The following SETD5 variants were observed in gnomAD, a reference collection of about 807,000 sequenced individuals.
SETD5 encodes the protein SET domain containing 5.
In SETD5, 44 loss-of-function variants were observed where a neutral mutation model predicts 153.3. The ratio of observed to expected loss-of-function variants is 0.29; its 90% CI spans 0.23 to 0.37. The LOEUF (loss-of-function observed/expected upper bound fraction) is 0.37, where lower values mean the gene tolerates loss of function less well. Among genes scored for constraint, SETD5 ranks in the 10% least tolerant of loss-of-function variants. The pLI is 1.00. For missense variants in SETD5, 1,544 were observed against 1,768.0 expected, an observed-to-expected ratio of 0.87 and a Z score of 2.27; for synonymous variants, 716 against 645.2, an observed-to-expected ratio of 1.11 and a Z score of -1.66.
intron 7 of SETD5, among the ~76,000 whole-genome samples, chr3:9,438,608 C>T (rs555897909): frequency 6.6e-6 from 1 of 152,146 alleles, no homozygotes; most frequent in East Asian, 1.9e-4. Flanking sequence ...TAGTTTAAAA[C>T]TCCTCCAGTG....
chr3:9,448,793 C>G (rs375794487), intron 16 of SETD5, among the ~76,000 whole-genome samples, 163 bp downstream of exon 16: 1 of 152,152 alleles, frequency 6.6e-6, no homozygotes, highest in South Asian at 2.1e-4. Context: ...AATACTGATT[C>G]ATCAAGAGTC....
chr3:9,428,032 GT>G (rs1298775583), intron 2 of SETD5, among the ~76,000 whole-genome samples: 1 of 151,980 alleles, frequency 6.6e-6, no homozygotes, highest in Non-Finnish European at 1.5e-5. Flanking sequence ...GATTTCGGGG[GT>G]TTTTTTGTTG....
chr3:9,430,730 A>G (rs1475017722), intron 3 of SETD5: 1 of 699,978 alleles, frequency 1.4e-6, no homozygotes, highest in African/African-American at 1.9e-5. Flanking sequence ...AGAGCAGTTA[A>G]TCTTACAATT....
chr3:9,432,246 G>C, intron 3 of SETD5: 1 of 977,914 alleles, frequency 1.0e-6, no homozygotes. Context: ...ACTTTCCTCT[G>C]TCTAAAGTTC....
intron 1 of SETD5, among the ~76,000 whole-genome samples, chr3:9,423,490 A>G (rs1000419484): frequency 1.7e-4 from 26 of 151,126 alleles, no homozygotes; most frequent in African/African-American, 5.4e-4. Flanking sequence ...CCTACTGTAC[A>G]CTCACATCTA....
At chr3:9,464,291 T>C in intron 17 of SETD5, 134 bp from the exon 18 acceptor site, 2 of 1,212,780 alleles carry the variant, frequency 1.6e-6, no homozygotes, top group Non-Finnish European at 2.3e-6. Flanking sequence ...TTTGGTTGGA[T>C]TGGAGGAGAT....
intron 3 of SETD5, 26 bp downstream of exon 3, chr3:9,429,035 G>T: frequency 6.4e-7 from 1 of 1,560,232 alleles, no homozygotes; most frequent in South Asian, 1.1e-5. Flanking sequence ...TAGGTAGTAG[G>T]TACATTATCA....
At chr3:9,444,580 CAAAG>C (rs1010404751) in intron 11 of SETD5, among the ~76,000 whole-genome samples, 7 of 151,654 alleles carry the variant, frequency 4.6e-5, no homozygotes, top group African/African-American at 1.2e-4. Context: ...TGGGGTTACA[CAAAG>C]AAAGACAGAA....
At chr3:9,431,630 C>T in intron 3 of SETD5, 1 of 985,292 alleles carries the variant, frequency 1.0e-6, no homozygotes, top group Non-Finnish European at 1.2e-6. Context: ...ATATTAAATG[C>T]TGTGCTTAAC....
rs576543991 is a variant in SETD5 at position 9,477,864 on chromosome 3, T to C, written c.*1773T>C. 2 of 152,284 alleles carry C rather than the reference T, an allele frequency of 1.3e-5. No homozygotes were observed. The highest frequency in any genetic ancestry group is 1.3e-4 in the Admixed American group (2 of 15,244). The allele number at this position is 152,284 out of a possible 1,614,324, so 9.4% of individuals were successfully genotyped here. On this transcript the variant is annotated 3_prime_UTR_variant, in exon 23 of 23. Coordinates refer to ENST00000402198, the MANE Select transcript of SETD5 (RefSeq NM_001080517.3). ...ATGTCTCTCCATTTGGGCTGGGGTT[T>C]GCATTCTCCCCTTGGCTATTTAACC...
chr3:9,439,118 C>A (rs1338630227), intron 7 of SETD5, among the ~76,000 whole-genome samples: 1 of 152,192 alleles, frequency 6.6e-6, no homozygotes, highest in African/African-American at 2.4e-5. Flanking sequence ...CACTGCCAGT[C>A]CCCCTAGTCT....
intron 1 of SETD5, among the ~76,000 whole-genome samples, chr3:9,401,296 A>T (rs2034733119): frequency 6.6e-6 from 1 of 152,214 alleles, no homozygotes; most frequent in Non-Finnish European, 1.5e-5. Context: ...GGTTTAAGAT[A>T]AAAATGTTTG....
chr3:9,475,036 G>T, intron 21 of SETD5, 32 bp from the exon 22 acceptor site: 1 of 1,537,584 alleles, frequency 6.5e-7, no homozygotes. Context: ...AAGAAGCCAA[G>T]TTGATTTTTT....
intron 13 of SETD5, among the ~76,000 whole-genome samples, chr3:9,446,007 G>A (rs991292299): frequency 3.3e-5 from 4 of 120,752 alleles, no homozygotes; most frequent in South Asian, 2.4e-4. Context: ...TCTGGTTTCC[G>A]CTGGGCGCGG....
At chr3:9,462,358 C>T (rs376688687) in intron 17 of SETD5, among the ~76,000 whole-genome samples, 78 of 150,092 alleles carry the variant, frequency 5.2e-4, no homozygotes, top group African/African-American at 1.7e-3. Flanking sequence ...GAGGCCGAGG[C>T]GGGTGGATCA....
At chr3:9,455,486 A>G (rs1015592979) in intron 17 of SETD5, among the ~76,000 whole-genome samples, 5 of 151,980 alleles carry the variant, frequency 3.3e-5, no homozygotes, top group African/African-American at 7.2e-5. Flanking sequence ...GTTACCACCT[A>G]TATACCTCAG....
At chr3:9,432,297 T>G in intron 3 of SETD5, 1 of 985,162 alleles carries the variant, frequency 1.0e-6, no homozygotes, top group Non-Finnish European at 1.2e-6. Context: ...ATAAGATCCT[T>G]TCTCACAGTT....
At chr3:9,431,622 A>G (rs529916974) in intron 3 of SETD5, 1 of 985,646 alleles carries the variant, frequency 1.0e-6, no homozygotes, top group African/African-American at 1.7e-5. Flanking sequence ...ACAGCAATAT[A>G]TTAAATGCTG....
At chr3:9,406,501 GGGAGGCTGA>G (rs1429486952) in intron 1 of SETD5, among the ~76,000 whole-genome samples, 1 of 152,060 alleles carries the variant, frequency 6.6e-6, no homozygotes, top group Admixed American at 6.5e-5. Context: ...CCAGCTACTT[GGGAGGCTGA>G]GGCAGGAGAA....
Sources: allele counts gnomAD v4.1 joint callset (sites outside exome capture counted in the v4.1 genomes callset), GRCh38; gene constraint gnomAD v4.1.1; transcripts MANE v1.5; gene names NCBI Gene and HGNC (gene_info 2026-07-23, HGNC 2026-07-21).